Variants in GREM2 observed in about 807,000 individuals in gnomAD.
The protein encoded by GREM2 is gremlin 2, DAN family BMP antagonist.
GREM2 carries 11 observed loss-of-function variants against 14.2 expected under a neutral mutation model. That is an observed-to-expected ratio of 0.78 (90% CI 0.49 to 1.28). GREM2 has a LOEUF of 1.28. GREM2 is among the 50% of genes most tolerant of loss of function. GREM2 has a pLI of 0.00. For missense variants in GREM2, 210 were observed against 218.5 expected, an observed-to-expected ratio of 0.96 and a Z score of 0.24; for synonymous variants, 98 against 97.6, an observed-to-expected ratio of 1.00 and a Z score of -0.02.
At chr1:240,513,826 G>C (rs752456897) in intron 1 of GREM2, among the ~76,000 whole-genome samples, 1 of 151,986 alleles carries the variant, frequency 6.6e-6, no homozygotes, top group Non-Finnish European at 1.5e-5. Context: ...TATAGAGAAA[G>C]GTATATTGGT....
intron 1 of GREM2, among the ~76,000 whole-genome samples, chr1:240,609,626 C>G (rs931421591): frequency 6.6e-6 from 1 of 151,942 alleles, no homozygotes; most frequent in African/African-American, 2.4e-5. Flanking sequence ...TTTGAAGGAC[C>G]CTGATACTGA....
At chr1:240,563,570 G>C (rs1679116332) in intron 1 of GREM2, among the ~76,000 whole-genome samples, 2 of 152,154 alleles carry the variant, frequency 1.3e-5, no homozygotes, top group African/African-American at 4.8e-5. Flanking sequence ...GAGATTCCCA[G>C]GATGTTTAGT....
At chr1:240,496,970 A>G (rs112961131) in intron 1 of GREM2, among the ~76,000 whole-genome samples, 5,150 of 152,178 alleles carry the variant, frequency 0.034, 314 homozygotes, top group African/African-American at 0.12. Flanking sequence ...GCAGTGAGCC[A>G]AGATCATGCC....
intron 1 of GREM2, among the ~76,000 whole-genome samples, chr1:240,599,476 C>G (rs535340718): frequency 6.6e-6 from 1 of 152,226 alleles, no homozygotes; most frequent in South Asian, 2.1e-4. Flanking sequence ...TTTCCTCTGA[C>G]AAACAGAAGG....
intron 1 of GREM2, among the ~76,000 whole-genome samples, chr1:240,504,979 A>C (rs1482891602): frequency 5.3e-5 from 8 of 152,042 alleles, no homozygotes; most frequent in Admixed American, 5.2e-4. Context: ...TATAATCCCC[A>C]ATGTTGGAGG....
intron 1 of GREM2, among the ~76,000 whole-genome samples, chr1:240,585,065 C>A (rs1325250428): frequency 6.6e-6 from 1 of 152,182 alleles, no homozygotes; most frequent in Non-Finnish European, 1.5e-5. Flanking sequence ...TGTTGCAAGA[C>A]CTTTACCTTG....
Position 240,604,089 on chromosome 1 carries a change from C to T in GREM2, c.-2+7795G>A, listed in dbSNP as rs79265138. On this transcript the variant is annotated intron_variant, in intron 1 of 1. Transcript: ENST00000318160. ...GAGCAGGAGAGAAGGAAGGGAGGTG[C>T]CGGGCTCTCTTTAAAGAACGAGCTT... Among the ~76,000 whole-genome samples the T allele has an allele frequency of 8.6e-5, 13 of 151,726 alleles. No homozygotes were observed. The East Asian group carries it at 2.4e-3, about 28-fold the overall frequency.
At chr1:240,609,574 A>T (rs1380156947) in intron 1 of GREM2, among the ~76,000 whole-genome samples, 1 of 152,090 alleles carries the variant, frequency 6.6e-6, no homozygotes, top group African/African-American at 2.4e-5. Context: ...AGTGCTGGGC[A>T]CGTTTTCCCT....
At chr1:240,547,368 C>T (rs1225634719) in intron 1 of GREM2, among the ~76,000 whole-genome samples, 6 of 151,264 alleles carry the variant, frequency 4.0e-5, no homozygotes, top group Non-Finnish European at 8.9e-5. Flanking sequence ...GGCGTGGTGG[C>T]GGGCGCCTGT....
chr1:240,507,039 C>G (rs1191842009), intron 1 of GREM2, among the ~76,000 whole-genome samples: 2 of 152,206 alleles, frequency 1.3e-5, no homozygotes, highest in Non-Finnish European at 2.9e-5. Context: ...TGGTATTCAC[C>G]ATGATAGAGA....
chr1:240,581,923 A>G (rs1038639447), intron 1 of GREM2, among the ~76,000 whole-genome samples: 5 of 152,242 alleles, frequency 3.3e-5, no homozygotes, highest in African/African-American at 1.2e-4. Context: ...ATTGGTTTCT[A>G]TTTAGAGCCT....
intron 1 of GREM2, among the ~76,000 whole-genome samples, chr1:240,522,180 C>G (rs1678117395): frequency 1.3e-5 from 2 of 149,510 alleles, no homozygotes. Flanking sequence ...ATTGCAATTT[C>G]AAAGAAAATC....
At chr1:240,603,073 G>T (rs562189320) in intron 1 of GREM2, among the ~76,000 whole-genome samples, 1 of 151,932 alleles carries the variant, frequency 6.6e-6, no homozygotes, top group African/African-American at 2.4e-5. Flanking sequence ...GACAGAGCGA[G>T]ACTCGTCTCA....
At chr1:240,590,030 A>G (rs2102863060) in intron 1 of GREM2, among the ~76,000 whole-genome samples, 1 of 152,212 alleles carries the variant, frequency 6.6e-6, no homozygotes, top group East Asian at 1.9e-4. Flanking sequence ...GGTGGAAGAG[A>G]TGTGTGTACA....
chr1:240,532,640 TATAG>T (rs199526145), intron 1 of GREM2, among the ~76,000 whole-genome samples: 8,815 of 104,082 alleles, frequency 0.085, 315 homozygotes, highest in Middle Eastern at 0.13. Flanking sequence ...AAGAGATATA[TATAG>T]ATAGATAGAT....
At chr1:240,570,626 A>G (rs948353864) in intron 1 of GREM2, among the ~76,000 whole-genome samples, 1 of 152,218 alleles carries the variant, frequency 6.6e-6, no homozygotes, top group African/African-American at 2.4e-5. Flanking sequence ...AGACAATAAG[A>G]GAACCAATCA....
chr1:240,578,132 T>A (rs74581678), intron 1 of GREM2, among the ~76,000 whole-genome samples: 3,048 of 152,214 alleles, frequency 0.02, 85 homozygotes, highest in East Asian at 0.11. Context: ...TCAAATTTTT[T>A]AAAATTTTTT....
At chr1:240,493,559 G>C in intron 1 of GREM2, 83 bp from the exon 2 acceptor site, 1 of 1,410,776 alleles carries the variant, frequency 7.1e-7, no homozygotes, top group Non-Finnish European at 9.4e-7. Flanking sequence ...TTTTATTTTA[G>C]ACATGGTCTG....
intron 1 of GREM2, among the ~76,000 whole-genome samples, chr1:240,557,788 G>A (rs960943547): frequency 2.0e-5 from 3 of 151,844 alleles, no homozygotes; most frequent in African/African-American, 4.8e-5. Context: ...GGCTACCACC[G>A]AGCTGCCTGG....
Sources: allele counts gnomAD v4.1 joint callset (sites outside exome capture counted in the v4.1 genomes callset), GRCh38; gene constraint gnomAD v4.1.1; transcripts MANE v1.5; gene names NCBI Gene and HGNC (gene_info 2026-07-23, HGNC 2026-07-21).